NEGR1: variants seen among roughly 807,000 people sequenced by gnomAD.
NEGR1 encodes the protein IgLON family member 4.
NEGR1 carries 10 observed loss-of-function variants against 40.9 expected under a neutral mutation model. The observed-to-expected ratio is 0.24, with a 90% CI of 0.15 to 0.42. The LOEUF (loss-of-function observed/expected upper bound fraction) is 0.42, where lower values mean the gene tolerates loss of function less well. Among genes scored for constraint, NEGR1 ranks in the 10% least tolerant of loss-of-function variants. The pLI is 1.00. For synonymous variants in NEGR1, 185 were observed against 166.8 expected (o/e 1.11, Z -0.84); for missense variants, 352 against 438.9 (o/e 0.80, Z 1.77).
At chr1:72,169,058 A>G (rs1651869423) in intron 1 of NEGR1, among the ~76,000 whole-genome samples, 1 of 152,204 alleles carries the variant, frequency 6.6e-6, no homozygotes, top group Non-Finnish European at 1.5e-5. Context: ...CATAAGAAAG[A>G]AGATATAACA....
intron 3 of NEGR1, among the ~76,000 whole-genome samples, chr1:71,751,377 A>C (rs1451165285): frequency 1.3e-5 from 2 of 152,220 alleles, no homozygotes; most frequent in Non-Finnish European, 1.5e-5. Context: ...TTTGACTCAT[A>C]GAACAGTGAA....
chr1:72,152,725 G>T (rs539579872), intron 1 of NEGR1, among the ~76,000 whole-genome samples: 65 of 151,876 alleles, frequency 4.3e-4, no homozygotes, highest in African/African-American at 1.3e-3. Flanking sequence ...ATCAACCCAG[G>T]TGCCCATCAA....
chr1:71,796,017 C>A (rs565344392), intron 2 of NEGR1, among the ~76,000 whole-genome samples: 1 of 152,246 alleles, frequency 6.6e-6, no homozygotes, highest in Admixed American at 6.6e-5. Flanking sequence ...ATTAGTCAAC[C>A]TTATGGTCAT....
At chr1:72,001,625 A>G (rs1424025291) in intron 1 of NEGR1, among the ~76,000 whole-genome samples, 2 of 149,854 alleles carry the variant, frequency 1.3e-5, no homozygotes, top group Non-Finnish European at 3.0e-5. Context: ...AACAAAATAA[A>G]TGATAGATGG....
chr1:72,274,520 C>T (rs980125653), intron 1 of NEGR1: 8 of 674,294 alleles, frequency 1.2e-5, no homozygotes, highest in African/African-American at 3.6e-5. Flanking sequence ...TTGTCTGTAT[C>T]GGTATCCCAA....
chr1:71,495,935 T>C (rs1646960173), intron 6 of NEGR1, among the ~76,000 whole-genome samples: 1 of 152,158 alleles, frequency 6.6e-6, no homozygotes, highest in Non-Finnish European at 1.5e-5. Context: ...TAGTTGATGA[T>C]GGTATTTGAT....
rs573735960 is a variant in NEGR1, at chr1:71,544,893, A to C, written c.940+47924T>G. Among the ~76,000 whole-genome samples, 7 of 151,776 alleles carry C rather than the reference A, an allele frequency of 4.6e-5. No homozygotes were observed. In the South Asian group the frequency reaches 1.5e-3, roughly 31 times the overall value. ...GTGGATTGTTAATTCTGCAGCCTTG[A>C]GCAACTTAACCTAACCTCTTTCCAG... On this transcript the variant is annotated intron_variant, in intron 6 of 6. Transcript: ENST00000357731.
At chr1:72,140,596 G>A (rs1327242938) in intron 1 of NEGR1, among the ~76,000 whole-genome samples, 1 of 152,056 alleles carries the variant, frequency 6.6e-6, no homozygotes, top group African/African-American at 2.4e-5. Context: ...ATGTCAACAT[G>A]AGTTTTGGAG....
intron 4 of NEGR1, among the ~76,000 whole-genome samples, chr1:71,659,183 T>G (rs1033586045): frequency 6.6e-6 from 1 of 152,164 alleles, no homozygotes; most frequent in Non-Finnish European, 1.5e-5. Flanking sequence ...GGTTTTTGAT[T>G]TTTTAATCTT....
intron 1 of NEGR1, among the ~76,000 whole-genome samples, chr1:72,085,606 ATAATG>A (rs1648188726): frequency 1.3e-5 from 2 of 152,210 alleles, no homozygotes; most frequent in African/African-American, 4.8e-5. Context: ...AATACTACAA[ATAATG>A]TAATCAGGAA....
chr1:72,173,188 T>A (rs868155318), intron 1 of NEGR1, among the ~76,000 whole-genome samples: 1 of 150,414 alleles, frequency 6.6e-6, no homozygotes. Flanking sequence ...TTGAATTTTT[T>A]ATAGAGACAG....
At chr1:71,881,399 A>C (rs1012684435) in intron 2 of NEGR1, among the ~76,000 whole-genome samples, 4 of 152,070 alleles carry the variant, frequency 2.6e-5, no homozygotes, top group Admixed American at 2.6e-4. Flanking sequence ...CGAGCTCCCT[A>C]AAGAGTCTGA....
intron 4 of NEGR1, among the ~76,000 whole-genome samples, chr1:71,691,523 A>G (rs959392854): frequency 6.6e-6 from 1 of 151,558 alleles, no homozygotes; most frequent in Non-Finnish European, 1.5e-5. Flanking sequence ...CTCTTCTCTT[A>G]CTCTTGCCAT....
intron 6 of NEGR1, among the ~76,000 whole-genome samples, chr1:71,564,025 G>T (rs1297332065): frequency 6.6e-6 from 1 of 151,740 alleles, no homozygotes; most frequent in Non-Finnish European, 1.5e-5. Flanking sequence ...GCTTGGAAAT[G>T]GAAGGAAAAA....
intron 2 of NEGR1, among the ~76,000 whole-genome samples, chr1:71,921,259 A>G (rs1283582080): frequency 1.3e-5 from 2 of 152,232 alleles, no homozygotes; most frequent in Non-Finnish European, 2.9e-5. Context: ...GAGCTTAAAC[A>G]CTTGCCTTTT....
chr1:71,757,104 T>C (rs1011754291), intron 3 of NEGR1, among the ~76,000 whole-genome samples: 2 of 152,130 alleles, frequency 1.3e-5, no homozygotes, highest in African/African-American at 4.8e-5. Flanking sequence ...ACAGCATTTA[T>C]GTGCAATAAA....
intron 1 of NEGR1, among the ~76,000 whole-genome samples, chr1:72,003,702 C>G (rs190038473): frequency 6.6e-6 from 1 of 152,082 alleles, no homozygotes; most frequent in African/African-American, 2.4e-5. Flanking sequence ...GGCATAAAAA[C>G]GATATAAAAT....
At chr1:71,729,309 G>A (rs1654776831) in intron 3 of NEGR1, among the ~76,000 whole-genome samples, 1 of 152,018 alleles carries the variant, frequency 6.6e-6, no homozygotes, top group African/African-American at 2.4e-5. Flanking sequence ...CTTCTTCCTT[G>A]CCCTATCATT....
intron 6 of NEGR1, among the ~76,000 whole-genome samples, chr1:71,591,546 C>A (rs1363801403): frequency 6.6e-6 from 1 of 151,958 alleles, no homozygotes; most frequent in East Asian, 1.9e-4. Context: ...AAAGAAGTAT[C>A]AATATTTACA....
Sources: gnomAD v4.1 joint callset for allele counts (sites outside exome capture counted in the v4.1 genomes callset) on GRCh38, gnomAD v4.1.1 for gene constraint, MANE v1.5 for transcripts, NCBI Gene and HGNC (gene_info 2026-07-23, HGNC 2026-07-21) for gene names.